Variants in HEATR6 observed in about 807,000 individuals in gnomAD.
HEATR6 encodes HEAT repeat-containing protein 6.
A neutral mutation model predicts 132.8 loss-of-function variants in HEATR6; 106 were observed. That is an observed-to-expected ratio of 0.80 (90% CI 0.68 to 0.94). HEATR6 has a LOEUF of 0.94. Among genes scored for constraint, HEATR6 ranks in the 40% least tolerant of loss-of-function variants. The pLI is 0.00. For synonymous variants in HEATR6, 529 were observed against 537.8 expected (o/e 0.98, Z 0.23); for missense variants, 1,339 against 1,425.1 (o/e 0.94, Z 0.97).
chr17:60,047,870 G>T (rs1285472513), intron 17 of HEATR6, among the ~76,000 whole-genome samples: 1 of 152,178 alleles, frequency 6.6e-6, no homozygotes, highest in African/African-American at 2.4e-5. Flanking sequence ...AAGGTGTCAG[G>T]GTAGAAGAAA....
intron 9 of HEATR6, among the ~76,000 whole-genome samples, chr17:60,062,440 C>A (rs2083217111): frequency 6.6e-6 from 1 of 152,182 alleles, no homozygotes; most frequent in African/African-American, 2.4e-5. Flanking sequence ...TTGTCTAAAG[C>A]TAATAAAACA....
chr17:60,052,984 C>G (rs1906634675), intron 14 of HEATR6, among the ~76,000 whole-genome samples: 2 of 152,110 alleles, frequency 1.3e-5, no homozygotes, highest in Admixed American at 6.5e-5. Flanking sequence ...GAAACCATGC[C>G]TATAACCACA....
Position 60,076,216 on chromosome 17 carries a change from G to A in HEATR6, c.241C>T (p.Gln81Ter), listed in dbSNP as rs1348789005. ...APEDVSALLVQACRLVPLNQN... is the reference protein window; with the variant it reads ...APEDVSALLV ...TTAAGAGGTACCAGTCGGCAAGCCT[G>A]GACAAGAAGAGCACTAACGTCCTAC... Residue 81 changes from glutamine (Q) to a stop codon, truncating the protein, a stop_gained, in exon 2 of 20, where the codon CAG becomes TAG. Coordinates refer to ENST00000184956, the MANE Select transcript of HEATR6 (RefSeq NM_022070.5). LOFTEE classifies it high-confidence loss of function. 3 of 1,608,446 alleles carry A rather than the reference G, an allele frequency of 1.9e-6. No individual in the cohort carries two copies. Among genetic ancestry groups the A allele is most frequent in the Non-Finnish European group, 2.5e-6 (3 of 1,177,708 alleles).
In HEATR6 at chr17:60,046,313, G is replaced by A. The variant is rs186155990; in HGVS notation, c.2770-84C>T. ...CTAATTTCAGCTTTAAAAAAACCCA[G>A]GAGGTCTTCAACTTCTTAAAGCAAG... On this transcript the variant is annotated intron_variant, in intron 18 of 19. Coordinates refer to ENST00000184956, the MANE Select transcript of HEATR6 (RefSeq NM_022070.5). 8.3e-6 allele frequency: 9 copies of A among 1,081,798 alleles called. No homozygotes were observed. The African/African-American group carries it at 1.4e-4, about 17-fold the overall frequency. 67.0% of individuals were successfully genotyped at this position (1,081,798 alleles called of 1,614,324 possible).
intron 12 of HEATR6, among the ~76,000 whole-genome samples, chr17:60,056,821 A>C (rs1009730164): frequency 2.6e-5 from 4 of 152,224 alleles, no homozygotes; most frequent in African/African-American, 4.8e-5. Flanking sequence ...AAGGGACTAA[A>C]ATAATTTGCA....
intron 19 of HEATR6, among the ~76,000 whole-genome samples, chr17:60,045,375 A>G (rs1314218023): frequency 6.6e-6 from 1 of 152,194 alleles, no homozygotes; most frequent in Non-Finnish European, 1.5e-5. Flanking sequence ...GATGCAATAA[A>G]GCGAACGCTG....
At chr17:60,077,504 C>CAT (rs2083302680) in intron 1 of HEATR6, among the ~76,000 whole-genome samples, 1 of 152,350 alleles carries the variant, frequency 6.6e-6, no homozygotes, top group South Asian at 2.1e-4. Context: ...TTCCTAATGA[C>CAT]ATACACTATT....
At position 60,046,174 on chromosome 17, in the gene HEATR6, G is replaced by A; in HGVS notation, c.2825C>T (p.Ser942Phe). The A allele has an allele frequency of 6.2e-7, 1 of 1,614,020 alleles. No individual in the cohort carries two copies. The stretch of plus-strand genomic sequence containing the variant: ...TGCAAATGTGGGTTTTTCTATATGA[G>A]AGGGTTGCAGAAAATGAAGCAAATT... ...LGNLLHFLQP[S>F]HIEKPTFAEI... Residue 942 changes from serine (S) to phenylalanine (F), a missense_variant, in exon 19 of 20, where the codon TCT becomes TTT. Ser to Phe is a radical substitution (Grantham distance 155, BLOSUM62 -2). Transcript: ENST00000184956.
At chr17:60,078,199 G>A (rs2083305935) in intron 1 of HEATR6, among the ~76,000 whole-genome samples, 1 of 152,200 alleles carries the variant, frequency 6.6e-6, no homozygotes, top group South Asian at 2.1e-4. Context: ...ACGGCAGAGG[G>A]GAGGAGCTAG....
chr17:60,059,637 C>CT (rs946096023), intron 10 of HEATR6, 116 bp from the exon 11 acceptor site: 100 of 707,756 alleles, frequency 1.4e-4, no homozygotes, highest in East Asian at 5.9e-4. Flanking sequence ...ATTAGCCCCC[C>CT]TTTTTTTTAA....
intron 14 of HEATR6, among the ~76,000 whole-genome samples, chr17:60,051,319 T>G (rs866656627): frequency 6.6e-6 from 1 of 152,220 alleles, no homozygotes; most frequent in South Asian, 2.1e-4. Flanking sequence ...TCTAAGTATT[T>G]TACAAGTATC....
chr17:60,056,807 C>T (rs1393342984), intron 12 of HEATR6, among the ~76,000 whole-genome samples: 1 of 152,044 alleles, frequency 6.6e-6, no homozygotes, highest in Non-Finnish European at 1.5e-5. Context: ...TCATATAATA[C>T]CTGAAGGGAC....
At chr17:60,060,161 T>A in intron 9 of HEATR6, 65 bp from the exon 10 acceptor site, 1 of 1,057,592 alleles carries the variant, frequency 9.5e-7, no homozygotes, top group Non-Finnish European at 1.5e-6. Flanking sequence ...CTTCTTCCTA[T>A]ACATATTTAA....
chr17:60,051,390 C>T (rs1363687260), intron 14 of HEATR6, among the ~76,000 whole-genome samples: 2 of 152,218 alleles, frequency 1.3e-5, no homozygotes, highest in East Asian at 3.8e-4. Context: ...TACTTTTTCA[C>T]ACAAGGAAAC....
chr17:60,044,044 G>A lies in HEATR6; in HGVS notation c.3065C>T (p.Ala1022Val). The A allele has an allele frequency of 6.2e-7, 1 of 1,614,204 alleles. No individual in the cohort carries two copies. The highest frequency in any genetic ancestry group is 8.5e-7 in the Non-Finnish European group (1 of 1,180,040). Residue 1022 changes from alanine to valine, a missense_variant, in exon 20 of 20, where the codon GCT becomes GTT. Ala to Val is a moderately conservative substitution (Grantham distance 64). Transcript: ENST00000184956. ...TCTCTTCCCCGGGACGGAAAGGGCA[G>A]CTGCAGATCTGATGCGCACTTTGAA... ...KNFKVRIRSA[A>V]ALSVPGKREQ...
At chr17:60,046,569 C>T (rs897286257) in intron 18 of HEATR6, among the ~76,000 whole-genome samples, 9 of 152,176 alleles carry the variant, frequency 5.9e-5, no homozygotes, top group African/African-American at 2.2e-4. Context: ...TTCCATAATT[C>T]CAGTCCAATA....
chr17:60,060,176 C>G (rs574708313), intron 9 of HEATR6, 80 bp from the exon 10 acceptor site: 3 of 947,978 alleles, frequency 3.2e-6, no homozygotes, highest in Non-Finnish European at 5.0e-6. Context: ...ATTTAATGTT[C>G]AAAGTATTTA....
At chr17:60,063,032 T>A (rs2083220417) in intron 9 of HEATR6, 1 of 156,544 alleles carries the variant, frequency 6.4e-6, no homozygotes, top group Non-Finnish European at 1.4e-5. Context: ...CTCTTTTTCT[T>A]CCCAGTCTCG....
intron 5 of HEATR6, among the ~76,000 whole-genome samples, chr17:60,071,841 A>G (rs1040007013): frequency 3.9e-5 from 6 of 152,250 alleles, no homozygotes; most frequent in African/African-American, 1.4e-4. Flanking sequence ...CTCTAAATTT[A>G]AAAGATGTTA....
Sources: gnomAD v4.1 joint callset for allele counts (sites outside exome capture counted in the v4.1 genomes callset) on GRCh38, gnomAD v4.1.1 for gene constraint, MANE v1.5 for transcripts, NCBI Gene and HGNC (gene_info 2026-07-23, HGNC 2026-07-21) for gene names.